The following LARP4B variants were observed in gnomAD, a reference collection of about 807,000 sequenced individuals.
The protein encoded by LARP4B is la-related protein 4B.
LARP4B carries 12 observed loss-of-function variants against 89.8 expected under a neutral mutation model. The ratio of observed to expected loss-of-function variants is 0.13; its 90% CI spans 0.09 to 0.22. The LOEUF is 0.22. Ranked by LOEUF, LARP4B falls within the 10% of genes least tolerant of loss-of-function variation. The pLI is 1.00. For synonymous variants in LARP4B, 367 were observed against 363.3 expected (o/e 1.01, Z -0.12); for missense variants, 757 against 947.7 (o/e 0.80, Z 2.64).
chr10:838,190 T>C lies in LARP4B; in HGVS notation c.647-1684A>G, dbSNP rs57710559. ...GTGTAAAATGCAAAACCTTAAGTCC[T>C]AGAAAACATAGGAGAAAATCTAGAA... is the stretch of plus-strand genomic sequence containing the variant. On this transcript the variant is annotated intron_variant, in intron 7 of 17. Coordinates refer to ENST00000316157, the MANE Select transcript of LARP4B (RefSeq NM_015155.3). Among the ~76,000 whole-genome samples the C allele has an allele frequency of 5.9e-3, 898 of 152,244 alleles. 15 individuals carry two copies. Among genetic ancestry groups the C allele is most frequent in the African/African-American group, 0.021 (855 of 41,540 alleles).
At chr10:863,397 T>C (rs1346581324) in intron 5 of LARP4B, among the ~76,000 whole-genome samples, 1 of 151,800 alleles carries the variant, frequency 6.6e-6, no homozygotes, top group African/African-American at 2.4e-5. Flanking sequence ...TGATTTTTTT[T>C]GTATTTTTTT....
intron 1 of LARP4B, chr10:903,462 T>C (rs1836399290): frequency 6.6e-6 from 1 of 152,240 alleles, no homozygotes; most frequent in Admixed American, 6.5e-5. Context: ...GAATATGTAT[T>C]TTCTTGAGAT....
the LARP4B span, among the ~76,000 whole-genome samples, chr10:950,985 T>C: frequency 6.6e-6 from 1 of 152,074 alleles, no homozygotes; most frequent in African/African-American, 2.4e-5. Context: ...TCTGCCTTCC[T>C]TCTCTCTCAG....
At chr10:917,100 T>G (rs545682412) in intron 1 of LARP4B, among the ~76,000 whole-genome samples, 1 of 152,210 alleles carries the variant, frequency 6.6e-6, no homozygotes, top group African/African-American at 2.4e-5. Context: ...TTCATGATGA[T>G]TGCTAACTCT....
intron 15 of LARP4B, among the ~76,000 whole-genome samples, chr10:816,111 C>T (rs1056295954): frequency 6.6e-6 from 1 of 152,198 alleles, no homozygotes; most frequent in African/African-American, 2.4e-5. Context: ...TGCCTGTAGT[C>T]CCAGCTACTC....
the LARP4B span, among the ~76,000 whole-genome samples, chr10:953,855 C>G: frequency 6.6e-6 from 1 of 152,236 alleles, no homozygotes; most frequent in Non-Finnish European, 1.5e-5. Context: ...AGGCAGCATT[C>G]AAAGTCTTCT....
At chr10:972,222 T>A in the LARP4B span, 1 of 320,326 alleles carries the variant, frequency 3.1e-6, no homozygotes, top group South Asian at 2.7e-5. Context: ...GAGACAGGGT[T>A]TTGCCATGTT....
chr10:883,846 T>C (rs1471979980), intron 3 of LARP4B, among the ~76,000 whole-genome samples: 1 of 151,892 alleles, frequency 6.6e-6, no homozygotes, highest in Non-Finnish European at 1.5e-5. Context: ...GGGGGGGGAA[T>C]AGATGAGATT....
intron 1 of LARP4B, among the ~76,000 whole-genome samples, chr10:895,917 T>A (rs1017637425): frequency 6.6e-6 from 1 of 152,218 alleles, no homozygotes; most frequent in African/African-American, 2.4e-5. Context: ...CTCAGTTTTT[T>A]AAATAACATA....
intron 5 of LARP4B, among the ~76,000 whole-genome samples, chr10:846,928 T>C (rs1833805943): frequency 6.6e-6 from 1 of 152,150 alleles, no homozygotes; most frequent in Non-Finnish European, 1.5e-5. Context: ...ACTGTGAAGT[T>C]AGGAGCCAAG....
intron 5 of LARP4B, among the ~76,000 whole-genome samples, chr10:857,662 C>T (rs1047687344): frequency 3.9e-5 from 6 of 152,114 alleles, no homozygotes; most frequent in Non-Finnish European, 7.3e-5. Flanking sequence ...AATAAGAGGT[C>T]CCACGTGTAA....
At chr10:916,379 T>A (rs1312885433) in intron 1 of LARP4B, among the ~76,000 whole-genome samples, 1 of 152,180 alleles carries the variant, frequency 6.6e-6, no homozygotes, top group African/African-American at 2.4e-5. Context: ...AGGGAATTCA[T>A]GGAAAATAAT....
chr10:847,693 A>AT (rs1361352457), intron 5 of LARP4B, among the ~76,000 whole-genome samples: 3 of 151,646 alleles, frequency 2.0e-5, no homozygotes, highest in African/African-American at 7.3e-5. Context: ...GGCCCAGCTA[A>AT]TTTTTTTTGG....
chr10:873,311 G>A (rs1236075411), intron 3 of LARP4B: 2 of 985,234 alleles, frequency 2.0e-6, no homozygotes, highest in East Asian at 1.1e-4. Flanking sequence ...AAATCCTAAT[G>A]ACAACAGAGC....
rs556376770 is a variant in LARP4B at position 887,573 on chromosome 10, C to T, written c.-39-1813G>A. Among the ~76,000 whole-genome samples, 66 of 150,284 alleles carry T rather than the reference C, an allele frequency of 4.4e-4. 1 individual carries two copies. Among genetic ancestry groups the T allele is most frequent in the South Asian group, 3.4e-3 (16 of 4,730 alleles). ...AAAAAATTTAAAAACTAGCCAGGAA[C>T]GGTGGCGGGCACCTGTAGTCCCAGC... On this transcript the variant is annotated intron_variant, in intron 1 of 17. Transcript: ENST00000316157.
the LARP4B span, among the ~76,000 whole-genome samples, chr10:948,088 C>T: frequency 6.8e-6 from 1 of 146,858 alleles, no homozygotes; most frequent in African/African-American, 2.5e-5. Context: ...GCCCACCGCC[C>T]ACCACCCACC....
intron 15 of LARP4B, 103 bp from the exon 16 acceptor site, chr10:815,173 A>G: frequency 7.3e-7 from 1 of 1,360,732 alleles, no homozygotes; most frequent in Non-Finnish European, 9.8e-7. Context: ...GGAGAGCAGC[A>G]CAAGGACATA....
At chr10:891,857 C>T (rs1398036438) in intron 1 of LARP4B, among the ~76,000 whole-genome samples, 1 of 152,182 alleles carries the variant, frequency 6.6e-6, no homozygotes, top group African/African-American at 2.4e-5. Flanking sequence ...CAGTTAATAA[C>T]GTATCATTTT....
At chr10:938,416 A>T in the LARP4B span, among the ~76,000 whole-genome samples, 1 of 151,610 alleles carries the variant, frequency 6.6e-6, no homozygotes, top group Non-Finnish European at 1.5e-5. Flanking sequence ...ACGCCCGGCT[A>T]ATTTTTGTTG....
Sources: gnomAD v4.1 joint callset for allele counts (sites outside exome capture counted in the v4.1 genomes callset) on GRCh38, gnomAD v4.1.1 for gene constraint, MANE v1.5 for transcripts, NCBI Gene and HGNC (gene_info 2026-07-23, HGNC 2026-07-21) for gene names.